PTPDC1: variants seen among roughly 807,000 people sequenced by gnomAD.
PTPDC1 encodes protein tyrosine phosphatase domain-containing protein 1.
PTPDC1 carries 53 observed loss-of-function variants against 75.3 expected under a neutral mutation model. That is an observed-to-expected ratio of 0.70 (90% CI 0.56 to 0.88). PTPDC1 has a LOEUF of 0.88. Ranked by LOEUF, PTPDC1 falls within the 40% of genes least tolerant of loss-of-function variation. The probability of loss-of-function intolerance (pLI) is 0.00; values close to 1 mark genes in which losing one functional copy is unlikely to be tolerated. For synonymous variants in PTPDC1, 349 were observed against 366.2 expected (o/e 0.95, Z 0.54); for missense variants, 925 against 998.6 (o/e 0.93, Z 0.99).
intron 2 of PTPDC1, among the ~76,000 whole-genome samples, chr9:94,085,684 G>A (rs1827048025): frequency 6.6e-6 from 1 of 152,166 alleles, no homozygotes; most frequent in African/African-American, 2.4e-5. Flanking sequence ...GTGTATTGAA[G>A]AAATGGATAA....
At chr9:94,105,010 C>G (rs963367633) in intron 8 of PTPDC1, among the ~76,000 whole-genome samples, 4 of 152,190 alleles carry the variant, frequency 2.6e-5, no homozygotes, top group Non-Finnish European at 5.9e-5. Context: ...TTTGTTACCT[C>G]TCATTGATAT....
chr9:94,064,047 A>G (rs1212814851), intron 1 of PTPDC1, among the ~76,000 whole-genome samples: 1 of 152,170 alleles, frequency 6.6e-6, no homozygotes, highest in Non-Finnish European at 1.5e-5. Context: ...TAGTTTTGTC[A>G]TTTATAAAAT....
chr9:94,084,392 C>A, upstream of PTPDC1: 1 of 1,372,952 alleles, frequency 7.3e-7, no homozygotes, highest in Non-Finnish European at 9.6e-7. Flanking sequence ...CTTTGTTTGT[C>A]GCCATGGAAA....
intron 2 of PTPDC1, among the ~76,000 whole-genome samples, chr9:94,076,420 A>G (rs1159861154): frequency 6.6e-6 from 1 of 152,210 alleles, no homozygotes; most frequent in Non-Finnish European, 1.5e-5. Flanking sequence ...GACATTTCAT[A>G]TAAATGGAAC....
intron 8 of PTPDC1, among the ~76,000 whole-genome samples, chr9:94,105,980 AAAAAGT>A (rs1481939761): frequency 6.6e-6 from 1 of 152,134 alleles, no homozygotes; most frequent in Non-Finnish European, 1.5e-5. Flanking sequence ...CTCAAAAAAA[AAAAAGT>A]AAACAATTCA....
At chr9:94,074,968 G>A (rs1045645316) in intron 2 of PTPDC1, among the ~76,000 whole-genome samples, 2 of 152,108 alleles carry the variant, frequency 1.3e-5, no homozygotes, top group Non-Finnish European at 2.9e-5. Flanking sequence ...TCTCCACTGG[G>A]TCCCACTTAC....
At chr9:94,057,774 A>G (rs1486538928) in intron 1 of PTPDC1, among the ~76,000 whole-genome samples, 1 of 152,216 alleles carries the variant, frequency 6.6e-6, no homozygotes, top group African/African-American at 2.4e-5. Flanking sequence ...AGTTATATAC[A>G]GTTGGACTAT....
intron 2 of PTPDC1, among the ~76,000 whole-genome samples, chr9:94,066,828 G>A (rs960996211): frequency 4.6e-5 from 7 of 151,712 alleles, no homozygotes; most frequent in African/African-American, 7.3e-5. Flanking sequence ...AAACTGCTGC[G>A]ATTACAGAAG....
At chr9:94,046,069 C>A (rs1825590512) in intron 1 of PTPDC1, among the ~76,000 whole-genome samples, 1 of 152,136 alleles carries the variant, frequency 6.6e-6, no homozygotes, top group Admixed American at 6.5e-5. Context: ...ATATGGCTAG[C>A]CAGTTTTCCC....
intron 1 of PTPDC1, among the ~76,000 whole-genome samples, chr9:94,036,013 C>G (rs1218558653): frequency 2.9e-5 from 4 of 138,376 alleles, no homozygotes; most frequent in African/African-American, 1.1e-4. Context: ...CATTTTTAAT[C>G]GGATTATTTG....
intron 1 of PTPDC1, among the ~76,000 whole-genome samples, chr9:94,049,188 C>A (rs1468584357): frequency 6.6e-6 from 1 of 152,148 alleles, no homozygotes; most frequent in African/African-American, 2.4e-5. Flanking sequence ...TTAATTGGAG[C>A]ATTTAGCCCA....
intron 1 of PTPDC1, among the ~76,000 whole-genome samples, chr9:94,053,729 A>G (rs1227976949): frequency 6.6e-6 from 1 of 152,182 alleles, no homozygotes; most frequent in Non-Finnish European, 1.5e-5. Context: ...AACAAATCCA[A>G]CCCTCAGGGA....
upstream of PTPDC1, among the ~76,000 whole-genome samples, chr9:94,081,629 G>A (rs1022892730): frequency 3.3e-5 from 5 of 152,164 alleles, no homozygotes; most frequent in Non-Finnish European, 2.9e-5. Flanking sequence ...ACAGATCATC[G>A]GAGGCCTTAG....
rs1438906687 is a variant in PTPDC1, at chr9:94,097,958, T to G, written c.1392T>G (p.Thr464=). 1 of 1,614,130 alleles carries G rather than the reference T, an allele frequency of 6.2e-7. No homozygotes were observed. Among genetic ancestry groups the G allele is most frequent in the Non-Finnish European group, 8.5e-7 (1 of 1,180,028 alleles). The part of the protein sequence containing the change: ...RAENLLEQGE[T]PQTVPAQILV... The stretch of plus-strand genomic sequence containing the variant: ...AGAACCTCCTGGAGCAAGGGGAGAC[T>G]CCACAGACAGTGCCTGCCCAGATCT... Residue 464 remains threonine, a synonymous_variant, in exon 6 of 9, where the codon ACT becomes ACG. Coordinates refer to ENST00000620992, the MANE Select transcript of PTPDC1 (RefSeq NM_001253829.2).
intron 4 of PTPDC1, among the ~76,000 whole-genome samples, chr9:94,093,107 G>A (rs1827391380): frequency 6.6e-6 from 1 of 152,158 alleles, no homozygotes; most frequent in Non-Finnish European, 1.5e-5. Flanking sequence ...ATTGTTATGT[G>A]TGAATTTGAT....
chr9:94,094,849 G>A (rs77373940), intron 4 of PTPDC1, among the ~76,000 whole-genome samples: 3 of 152,312 alleles, frequency 2.0e-5, no homozygotes, highest in East Asian at 1.9e-4. Flanking sequence ...TCCAGGTGCC[G>A]TCCATCACCC....
chr9:94,049,465 A>G (rs895654365), intron 1 of PTPDC1, among the ~76,000 whole-genome samples: 1 of 151,988 alleles, frequency 6.6e-6, no homozygotes, highest in Non-Finnish European at 1.5e-5. Flanking sequence ...TTTCTCCTTC[A>G]CTTATGAAGC....
At chr9:94,092,259 G>T (rs370918934) in intron 4 of PTPDC1, among the ~76,000 whole-genome samples, 1 of 144,374 alleles carries the variant, frequency 6.9e-6, no homozygotes, top group African/African-American at 2.6e-5. Flanking sequence ...CTTTGAATGC[G>T]TCCCAGAGAT....
chr9:94,102,589 C>CT (rs1399925771), intron 7 of PTPDC1, among the ~76,000 whole-genome samples: 2 of 151,776 alleles, frequency 1.3e-5, no homozygotes, highest in African/African-American at 4.8e-5. Context: ...TTGTTTGTTT[C>CT]TTTTTTTGAG....
Sources: allele counts gnomAD v4.1 joint callset (sites outside exome capture counted in the v4.1 genomes callset), GRCh38; gene constraint gnomAD v4.1.1; transcripts MANE v1.5; gene names NCBI Gene and HGNC (gene_info 2026-07-23, HGNC 2026-07-21).